Variants in ACTR2 observed in about 807,000 individuals in gnomAD.
The protein encoded by ACTR2 is actin-related protein 2.
A neutral mutation model predicts 50.2 loss-of-function variants in ACTR2; 5 were observed. The observed-to-expected ratio is 0.10, with a 90% CI of 0.05 to 0.21. The LOEUF (loss-of-function observed/expected upper bound fraction) is 0.21. Ranked by LOEUF, ACTR2 falls within the 10% of genes least tolerant of loss-of-function variation. The pLI is 1.00. For synonymous variants in ACTR2, 140 were observed against 162.9 expected, an observed-to-expected ratio of 0.86 and a Z score of 1.07; for missense variants, 180 against 480.6, an observed-to-expected ratio of 0.37 and a Z score of 5.85.
chr2:65,242,911 AAAAAC>A (rs1334130817), intron 2 of ACTR2, among the ~76,000 whole-genome samples: 1 of 152,252 alleles, frequency 6.6e-6, no homozygotes, highest in African/African-American at 2.4e-5. Flanking sequence ...TTGAATAAAC[AAAAAC>A]ATTTAAAAGA....
chr2:65,250,091 G>A (rs1366836815), intron 3 of ACTR2, among the ~76,000 whole-genome samples: 4 of 152,202 alleles, frequency 2.6e-5, no homozygotes, highest in Non-Finnish European at 4.4e-5. Context: ...CCGGCCGGGT[G>A]CGGTGGCTCA....
chr2:65,238,675 G>C (rs1190462605), intron 1 of ACTR2, among the ~76,000 whole-genome samples: 1 of 109,520 alleles, frequency 9.1e-6, no homozygotes, highest in Non-Finnish European at 1.9e-5. Context: ...AAAAAAAAAA[G>C]TAAATAGCTA....
intron 2 of ACTR2, among the ~76,000 whole-genome samples, chr2:65,241,511 T>C (rs894993487): frequency 6.6e-6 from 1 of 152,180 alleles, no homozygotes; most frequent in Non-Finnish European, 1.5e-5. Flanking sequence ...TGTATTCTAT[T>C]GGCTCAATTC....
chr2:65,250,836 C>T (rs1672034599), intron 3 of ACTR2, among the ~76,000 whole-genome samples, 191 bp from the exon 4 acceptor site: 1 of 152,082 alleles, frequency 6.6e-6, no homozygotes, highest in African/African-American at 2.4e-5. Flanking sequence ...AGAAATCTGT[C>T]TTCAGATTTG....
chr2:65,234,042 C>G (rs979791859), intron 1 of ACTR2, among the ~76,000 whole-genome samples: 3 of 152,098 alleles, frequency 2.0e-5, no homozygotes, highest in African/African-American at 7.2e-5. Context: ...TCCCGAGTTT[C>G]TGGGGCTACA....
At chr2:65,229,545 C>G (rs1650958716) in intron 1 of ACTR2, among the ~76,000 whole-genome samples, 1 of 151,922 alleles carries the variant, frequency 6.6e-6, no homozygotes, top group Admixed American at 6.6e-5. Flanking sequence ...CACCTGAAGT[C>G]AGGAGTTTGA....
At chr2:65,261,773 A>G (rs1050159438) in intron 7 of ACTR2, among the ~76,000 whole-genome samples, 6 of 152,228 alleles carry the variant, frequency 3.9e-5, no homozygotes, top group African/African-American at 1.4e-4. Context: ...TTGCTGGATC[A>G]TATGGTAGTT....
intron 1 of ACTR2, 83 bp downstream of exon 1, chr2:65,228,040 G>T (rs1671560002): frequency 7.5e-7 from 1 of 1,334,062 alleles, no homozygotes; most frequent in Non-Finnish European, 9.8e-7. Flanking sequence ...GGCCCCCAGG[G>T]CTGCACCTCC....
chr2:65,253,405 T>C (rs1290682949), intron 4 of ACTR2, among the ~76,000 whole-genome samples: 1 of 151,538 alleles, frequency 6.6e-6, no homozygotes, highest in Non-Finnish European at 1.5e-5. Flanking sequence ...ATTGAGCCAC[T>C]GTACTCCTCC....
At chr2:65,248,925 A>G (rs1671992091) in intron 3 of ACTR2, among the ~76,000 whole-genome samples, 1 of 152,280 alleles carries the variant, frequency 6.6e-6, no homozygotes, top group South Asian at 2.1e-4. Flanking sequence ...AGGCAGGAGA[A>G]TTGCTTGAAC....
At chr2:65,237,364 G>T (rs986499271) in intron 1 of ACTR2, among the ~76,000 whole-genome samples, 2 of 152,120 alleles carry the variant, frequency 1.3e-5, no homozygotes, top group Non-Finnish European at 2.9e-5. Flanking sequence ...CTCTGGAATA[G>T]CTGGGACTAT....
In ACTR2 at chr2:65,251,139, AC is replaced by A. The variant is rs113527021; in HGVS notation, c.448+41del. The stretch of plus-strand genomic sequence containing the variant: ...ACTGTTAGAAAAAACACTTCATCAA[AC>A]ATTTATTATGTATGTTTTATGTCAG... On this transcript the variant is annotated intron_variant, in intron 4 of 8. Coordinates refer to ENST00000260641, the MANE Select transcript of ACTR2 (RefSeq NM_005722.4). 15,732 of 1,398,708 alleles carry A rather than the reference AC, an allele frequency of 0.011. 1,423 individuals carry two copies. The African/African-American group carries it at 0.2, about 18-fold the overall frequency. The allele number at this position is 1,398,708 out of a possible 1,614,324, so 86.6% of individuals were successfully genotyped here. A position where few individuals can be genotyped will look rare whatever the true frequency, so the allele number is the denominator to read the frequency against.
chr2:65,232,694 G>A (rs1435326234), intron 1 of ACTR2, among the ~76,000 whole-genome samples: 4 of 152,104 alleles, frequency 2.6e-5, no homozygotes, highest in Non-Finnish European at 4.4e-5. Context: ...TTTTAGAGCA[G>A]ATGTAGATAG....
intron 2 of ACTR2, among the ~76,000 whole-genome samples, chr2:65,243,086 C>G (rs1462481941): frequency 6.6e-6 from 1 of 152,082 alleles, no homozygotes; most frequent in African/African-American, 2.4e-5. Context: ...CAAGACCAGC[C>G]TGACGAACAT....
chr2:65,242,153 A>AG (rs551860130), intron 2 of ACTR2: 11 of 890,880 alleles, frequency 1.2e-5, no homozygotes, highest in African/African-American at 8.3e-5. Context: ...AGTATTGGGG[A>AG]GGGGGGGTTA....
chr2:65,228,539 A>G (rs1671576748), intron 1 of ACTR2: 1 of 151,394 alleles, frequency 6.6e-6, no homozygotes, highest in Admixed American at 6.6e-5. Flanking sequence ...CCAGATCGGC[A>G]GCGCATCGTT....
chr2:65,246,395 A>G, intron 2 of ACTR2, 129 bp from the exon 3 acceptor site: 1 of 677,814 alleles, frequency 1.5e-6, no homozygotes. Flanking sequence ...TCTTGATAGA[A>G]AAGATTTTCT....
chr2:65,268,673 G>C lies in ACTR2; in HGVS notation c.1124G>C (p.Arg375Pro), dbSNP rs757353258. ...GACAAAGACAACTTTTGGATGACCC[G>C]ACAAGAGTACCAAGAAAAGGGTGTC... The part of the protein sequence containing the change: ...MKDKDNFWMT[R>P]QEYQEKGVRV... Residue 375 changes from arginine (R) to proline (P), a missense_variant, in exon 9 of 9, where the codon CGA (arginine) becomes CCA (proline). Arg to Pro is a moderately radical substitution (Grantham distance 103). Transcript: ENST00000260641. 44 of 1,614,002 alleles carry C rather than the reference G, an allele frequency of 2.7e-5. No homozygotes were observed. The highest frequency in any genetic ancestry group is 3.7e-5 in the Non-Finnish European group (44 of 1,179,928).
chr2:65,229,314 T>C (rs1478233845), intron 1 of ACTR2, among the ~76,000 whole-genome samples: 2 of 152,198 alleles, frequency 1.3e-5, no homozygotes, highest in African/African-American at 4.8e-5. Flanking sequence ...CAAAACACTT[T>C]GGAATCTGAA....
Sources: allele counts gnomAD v4.1 joint callset (sites outside exome capture counted in the v4.1 genomes callset), GRCh38; gene constraint gnomAD v4.1.1; transcripts MANE v1.5; gene names NCBI Gene and HGNC (gene_info 2026-07-23, HGNC 2026-07-21).